The following SLC9A1 variants were observed in gnomAD, a reference collection of about 807,000 sequenced individuals.
SLC9A1 encodes the protein solute carrier family 9 member A1.
In SLC9A1, 22 loss-of-function variants were observed where a neutral mutation model predicts 67.9. The ratio of observed to expected loss-of-function variants is 0.32; its 90% CI spans 0.23 to 0.46. The LOEUF (loss-of-function observed/expected upper bound fraction) is 0.46. Ranked by LOEUF, SLC9A1 falls within the 20% of genes least tolerant of loss-of-function variation. The pLI is 1.00. For missense variants in SLC9A1, 686 were observed against 1,094.8 expected, an observed-to-expected ratio of 0.63 and a Z score of 5.27; for synonymous variants, 421 against 471.8, an observed-to-expected ratio of 0.89 and a Z score of 1.40.
At chr1:27,147,884 C>G (rs141927542) in intron 1 of SLC9A1, among the ~76,000 whole-genome samples, 105 of 152,038 alleles carry the variant, frequency 6.9e-4, no homozygotes, top group Middle Eastern at 6.8e-3. Flanking sequence ...ATCCCCACTA[C>G]TCAGGAGGCT....
chr1:27,139,004 T>C (rs980163232), intron 1 of SLC9A1, among the ~76,000 whole-genome samples: 1 of 152,040 alleles, frequency 6.6e-6, no homozygotes, highest in African/African-American at 2.4e-5. Context: ...GAGGCAAGCC[T>C]TTGACAGGTG....
chr1:27,103,079 C>T (rs545090589), intron 6 of SLC9A1, 144 bp downstream of exon 6: 3 of 691,762 alleles, frequency 4.3e-6, no homozygotes, highest in Admixed American at 4.3e-5. Context: ...TGGCTAGACC[C>T]TGGCGGCCTC....
rs879388717 is a variant in SLC9A1, at chr1:27,100,127, G to A, written c.*180C>T. ...GGGAGGCAGCTCTGGTGGGGAGGAT[G>A]CTTCCCGGGAGGCGGCAGGGGAGGA... On this transcript the variant is annotated 3_prime_UTR_variant, in exon 12 of 12. Transcript: ENST00000263980. The surrounding 1 kb of genome is among the most constrained non-coding windows in gnomAD (Gnocchi z 5.6). 1.0e-5 allele frequency: 5 copies of A among 486,338 alleles called. No homozygotes were observed. The highest frequency in any genetic ancestry group is 1.8e-5 in the Non-Finnish European group (5 of 279,132). The allele number at this position is 486,338 out of a possible 1,614,324, so 30.1% of individuals were successfully genotyped here.
intron 1 of SLC9A1, among the ~76,000 whole-genome samples, chr1:27,135,743 G>A (rs2083416666): frequency 6.6e-6 from 1 of 152,158 alleles, no homozygotes; most frequent in Non-Finnish European, 1.5e-5. Context: ...GCCAACTGTG[G>A]TGTATTCATA....
chr1:27,100,199 G>T lies in SLC9A1; in HGVS notation c.*108C>A. Reference sequence around the variant, plus strand: ...TGGGCCCAGCTGCCATGCGGTAGGGGGAGGGGCAGGGCCAATCCGGGTCAG... The same window carrying T: ...TGGGCCCAGCTGCCATGCGGTAGGGTGAGGGGCAGGGCCAATCCGGGTCAG... On this transcript the variant is annotated 3_prime_UTR_variant, in exon 12 of 12. Transcript: ENST00000263980. This position sits in a 1 kb window ranked among gnomAD's most constrained non-coding sequence, Gnocchi z 5.6. The T allele has an allele frequency of 1.3e-6, 1 of 759,244 alleles. No homozygotes were observed. Among genetic ancestry groups the T allele is most frequent in the Non-Finnish European group, 2.0e-6 (1 of 496,712 alleles). The allele number at this position is 759,244 out of a possible 1,614,324, so 47.0% of individuals were successfully genotyped here.
chr1:27,107,690 C>T lies in SLC9A1; in HGVS notation c.1240G>A (p.Val414Ile), dbSNP rs578200492. 85 of 1,569,976 alleles carry T rather than the reference C, an allele frequency of 5.4e-5. 1 individual carries two copies. Among genetic ancestry groups the T allele is most frequent in the Non-Finnish European group, 7.2e-5 (83 of 1,157,768 alleles). Residue 414 changes from valine to isoleucine, a missense_variant, in exon 4 of 12, where the codon GTC becomes ATC. Val to Ile is a conservative substitution (Grantham distance 29). Coordinates refer to ENST00000263980, the MANE Select transcript of SLC9A1 (RefSeq NM_003047.5). ...AGSHHWNWTF[V>I]ISTLLFCLIA... The stretch of plus-strand genomic sequence containing the variant: ...AGGCAGAAGAGCAGGGTGCTGATGA[C>T]GAAGGTCCAGTTCCAGTGGTGGGAG...
intron 1 of SLC9A1, among the ~76,000 whole-genome samples, chr1:27,124,158 C>A (rs570190074): frequency 6.6e-6 from 1 of 152,046 alleles, no homozygotes; most frequent in Non-Finnish European, 1.5e-5. Flanking sequence ...GCTCCAGGTA[C>A]CAGTTTGCCC....
intron 1 of SLC9A1, among the ~76,000 whole-genome samples, chr1:27,125,237 C>CTTTTTTTTTTTT (rs71010327): frequency 8.1e-5 from 7 of 86,888 alleles, no homozygotes; most frequent in Admixed American, 1.9e-4. Context: ...CCTTTTCTTT[C>CTTTTTTTTTTTT]TTTTTTTTTT....
rs2083553296 is a variant in SLC9A1 at position 27,154,512 on chromosome 1, C to T, written c.-178G>A. ...TGGGGGTGGAGGGAGGCTGGGTTTG[C>T]AATCTGGAACTCCAAAGTGGGGAAA... On this transcript the variant is annotated 5_prime_UTR_variant, in exon 1 of 12. Coordinates refer to ENST00000263980, the MANE Select transcript of SLC9A1 (RefSeq NM_003047.5). 3 of 515,780 alleles carry T rather than the reference C, an allele frequency of 5.8e-6. No homozygotes were observed. 32.0% of individuals were successfully genotyped at this position (515,780 alleles called of 1,614,324 possible).
In SLC9A1 at chr1:27,101,898, T is replaced by C; in HGVS notation, c.1936-72A>G. 1 of 1,428,750 alleles carries C rather than the reference T, an allele frequency of 7.0e-7. No homozygotes were observed. The highest frequency in any genetic ancestry group is 2.3e-5 in the East Asian group (1 of 43,932). 88.5% of individuals were successfully genotyped at this position (1,428,750 alleles called of 1,614,324 possible). A position where few individuals can be genotyped will look rare whatever the true frequency, so the allele number is the denominator to read the frequency against. On this transcript the variant is annotated intron_variant, in intron 9 of 11. Coordinates refer to ENST00000263980, the MANE Select transcript of SLC9A1 (RefSeq NM_003047.5). The surrounding 1 kb of genome is among the most constrained non-coding windows in gnomAD (Gnocchi z 4.9). ...GCTCATGGAGGGGTGGGGGCAGTGC[T>C]GGAGGCCGGGCCAGTCCTGGGGTGG...
Position 27,100,669 on chromosome 1 carries a change from G to A in SLC9A1, c.2111-25C>T. 6.4e-7 allele frequency: 1 copy of A among 1,568,104 alleles called. No homozygotes were observed. Among genetic ancestry groups the A allele is most frequent in the East Asian group, 2.2e-5 (1 of 44,558 alleles). Reference sequence around the variant, plus strand: ...TCTGGGGACCAAGAGCAAGGCACAAGCTGGGTTCCGCTCTGGAGCCCGGCC... The same window carrying A: ...TCTGGGGACCAAGAGCAAGGCACAAACTGGGTTCCGCTCTGGAGCCCGGCC... On this transcript the variant is annotated intron_variant, in intron 11 of 11. Coordinates refer to ENST00000263980, the MANE Select transcript of SLC9A1 (RefSeq NM_003047.5). The surrounding 1 kb of genome is among the most constrained non-coding windows in gnomAD (Gnocchi z 5.6).
chr1:27,121,417 T>A (rs986525312), intron 1 of SLC9A1, among the ~76,000 whole-genome samples: 1 of 152,168 alleles, frequency 6.6e-6, no homozygotes, highest in Non-Finnish European at 1.5e-5. Flanking sequence ...CACTATACCA[T>A]GGAATAACCT....
rs1351315440 is a variant in SLC9A1 at position 27,131,938 on chromosome 1, G to GAAAAAAAAAA, written c.353-17662_353-17653dup. ...TCCGTCTCAAAAAGAAGAAGAAGAA[G>GAAAAAAAAAA]AAAAAAAAAATATATATATATATAT... On this transcript the variant is annotated intron_variant, in intron 1 of 11. Transcript: ENST00000263980. Among the ~76,000 whole-genome samples the GAAAAAAAAAA allele has an allele frequency of 1.5e-3, 54 of 34,990 alleles. No individual in the cohort carries two copies. The South Asian group carries it at 0.017, about 11-fold the overall frequency. The allele number at this position is 34,990 out of a possible 152,430, so 23.0% of individuals were successfully genotyped here.
In SLC9A1 at chr1:27,101,930, A is replaced by G; in HGVS notation, c.1935+86T>C. On this transcript the variant is annotated intron_variant, in intron 9 of 11. Coordinates refer to ENST00000263980, the MANE Select transcript of SLC9A1 (RefSeq NM_003047.5). The surrounding 1 kb of genome is among the most constrained non-coding windows in gnomAD (Gnocchi z 4.9). Reference sequence around the variant, plus strand: ...CGGGCCAGTCCTGGGGTGGGTGCCGAGGGGCACGGGCAGGGCAGGGCTGCC... The same window carrying G: ...CGGGCCAGTCCTGGGGTGGGTGCCGGGGGGCACGGGCAGGGCAGGGCTGCC... The G allele has an allele frequency of 7.0e-7, 1 of 1,418,610 alleles. No homozygotes were observed. The highest frequency in any genetic ancestry group is 9.9e-7 in the Non-Finnish European group (1 of 1,007,968). 87.9% of individuals were successfully genotyped at this position (1,418,610 alleles called of 1,614,324 possible).
At chr1:27,136,542 G>A (rs2083421589) in intron 1 of SLC9A1, among the ~76,000 whole-genome samples, 1 of 152,150 alleles carries the variant, frequency 6.6e-6, no homozygotes, top group Non-Finnish European at 1.5e-5. Flanking sequence ...GGAGTTTTGA[G>A]GGACTCAGCT....
intron 1 of SLC9A1, among the ~76,000 whole-genome samples, chr1:27,145,066 G>GA (rs2083476545): frequency 1.6e-5 from 2 of 123,520 alleles, no homozygotes; most frequent in Admixed American, 8.0e-5. Flanking sequence ...AAAAAAAAAG[G>GA]AAAAAGGAAA....
intron 4 of SLC9A1, among the ~76,000 whole-genome samples, chr1:27,107,150 TC>T (rs2083191384): frequency 2.5e-4 from 2 of 8,096 alleles, no homozygotes; most frequent in South Asian, 4.7e-3. Context: ...ACCCACACCC[TC>T]ACAGCCCCTC....
In SLC9A1 at chr1:27,109,776, A is replaced by ACCT; in HGVS notation, c.814-2_814dup (p.Val271_Val272insGlu). On this transcript the variant is annotated inframe_insertion and splice_region_variant, in exon 3 of 12. Transcript: ENST00000263980. The surrounding 1 kb of genome is among the most constrained non-coding windows in gnomAD (Gnocchi z 5.5). ...AAACTCCTCAAAGAGGTGATACAGG[A>ACCT]CCTGGGGAGGGTGTGCAGGCTGGTG... The ACCT allele has an allele frequency of 6.2e-7, 1 of 1,613,674 alleles. No individual in the cohort carries two copies. The highest frequency in any genetic ancestry group is 8.5e-7 in the Non-Finnish European group (1 of 1,179,952).
rs1199438778 is a variant in SLC9A1, at chr1:27,107,695, G to A, written c.1235C>T (p.Thr412Ile). Residue 412 changes from threonine (T) to isoleucine (I), a missense_variant, in exon 4 of 12, where the codon ACC (threonine) becomes ATC (isoleucine). Around this residue, in one of 7 missense-constraint regions of SLC9A1, gnomAD observed 168 missense variants for 375.4 expected, o/e 0.45. Transcript: ENST00000263980. ...GAAGAGCAGGGTGCTGATGACGAAG[G>A]TCCAGTTCCAGTGGTGGGAGCCGGC... ...TVAGSHHWNW[T>I]FVISTLLFCL... is the part of the protein sequence containing the mutation. 3 of 1,572,904 alleles carry A rather than the reference G, an allele frequency of 1.9e-6. No homozygotes were observed. The highest frequency in any genetic ancestry group is 2.6e-6 in the Non-Finnish European group (3 of 1,159,474).
Sources: gnomAD v4.1 joint callset for allele counts (sites outside exome capture counted in the v4.1 genomes callset) on GRCh38, gnomAD v4.1.1 for gene constraint, gnomAD v4.1.1 regional missense constraint, Gnocchi (gnomAD v3.1) non-coding constraint, MANE v1.5 for transcripts, NCBI Gene and HGNC (gene_info 2026-07-23, HGNC 2026-07-21) for gene names.